Variants in AKAP6 observed in about 807,000 individuals in gnomAD.
AKAP6 encodes A-kinase anchoring protein 6, also known as A-kinase anchor protein 6.
A neutral mutation model predicts 188.5 loss-of-function variants in AKAP6; 58 were observed. That is an observed-to-expected ratio of 0.31 (90% confidence interval 0.25 to 0.38). The LOEUF (loss-of-function observed/expected upper bound fraction) is 0.38. AKAP6 is among the 10% of genes least tolerant of loss of function. AKAP6 has a pLI of 1.00. For synonymous variants in AKAP6, 989 were observed against 998.6 expected, an observed-to-expected ratio of 0.99 and a Z score of 0.18; for missense variants, 2,710 against 2,740.0, an observed-to-expected ratio of 0.99 and a Z score of 0.24.
chr14:32,600,926 T>C (rs765871330), intron 7 of AKAP6, 134 bp downstream of exon 7: 9 of 697,524 alleles, frequency 1.3e-5, no homozygotes, highest in South Asian at 5.4e-5. Flanking sequence ...TCTATATATA[T>C]ATAAACAAAA....
intron 9 of AKAP6, among the ~76,000 whole-genome samples, chr14:32,721,024 T>G (rs1031306527): frequency 3.3e-5 from 5 of 152,210 alleles, no homozygotes; most frequent in Non-Finnish European, 5.9e-5. Context: ...TTGCTGCGCC[T>G]CAAGTCTTTT....
chr14:32,599,000 C>T (rs1455497463), intron 5 of AKAP6, among the ~76,000 whole-genome samples: 1 of 152,110 alleles, frequency 6.6e-6, no homozygotes, highest in Non-Finnish European at 1.5e-5. Context: ...TATATATGTG[C>T]ACATAAGGCT....
At chr14:32,793,606 T>G (rs934365507) in intron 12 of AKAP6, among the ~76,000 whole-genome samples, 1 of 141,196 alleles carries the variant, frequency 7.1e-6, no homozygotes. Flanking sequence ...TGACACTACT[T>G]GAGAGATCAC....
intron 9 of AKAP6, among the ~76,000 whole-genome samples, chr14:32,698,699 T>C (rs1017343001): frequency 6.6e-5 from 10 of 152,154 alleles, no homozygotes; most frequent in African/African-American, 2.2e-4. Flanking sequence ...AAAATACTTA[T>C]ATAACAACAA....
At chr14:32,599,633 C>T (rs1022945802) in intron 6 of AKAP6, 127 bp downstream of exon 6, 16 of 655,290 alleles carry the variant, frequency 2.4e-5, no homozygotes, top group Non-Finnish European at 3.9e-5. Flanking sequence ...ATCAGATTGA[C>T]CTTCAAGATT....
intron 11 of AKAP6, among the ~76,000 whole-genome samples, chr14:32,760,454 T>A (rs746142323): frequency 2.0e-5 from 3 of 152,164 alleles, no homozygotes; most frequent in Non-Finnish European, 2.9e-5. Context: ...GCACAAGTAG[T>A]TATTATCAAA....
At chr14:32,450,965 A>G (rs1566509607) in intron 2 of AKAP6, among the ~76,000 whole-genome samples, 1 of 152,224 alleles carries the variant, frequency 6.6e-6, no homozygotes, top group African/African-American at 2.4e-5. Context: ...TGAAAATAAC[A>G]AAACGAGGAA....
At chr14:32,500,961 C>G (rs746384657) in intron 2 of AKAP6, among the ~76,000 whole-genome samples, 5 of 152,120 alleles carry the variant, frequency 3.3e-5, no homozygotes, top group African/African-American at 1.2e-4. Context: ...CTGAAGTTTC[C>G]CATTGCAAGT....
At chr14:32,792,425 G>GTATTGGTGTATAGGAATGC (rs1409134951) in intron 12 of AKAP6, among the ~76,000 whole-genome samples, 2 of 151,918 alleles carry the variant, frequency 1.3e-5, no homozygotes, top group Non-Finnish European at 2.9e-5. Flanking sequence ...TCTTTGTCTA[G>GTATTGGTGTATAGGAATGC]TATTGGTGTA....
At chr14:32,570,277 C>T (rs113336600) in intron 4 of AKAP6, among the ~76,000 whole-genome samples, 2 of 150,812 alleles carry the variant, frequency 1.3e-5, no homozygotes, top group African/African-American at 4.9e-5. Context: ...ATTATAGGCA[C>T]ATGCCACCAC....
Position 32,773,864 on chromosome 14 carries a change from C to G in AKAP6, c.3559C>G (p.Arg1187Gly). The stretch of plus-strand genomic sequence containing the variant: ...CATGCAAGCCGTCCAGTGGCAAACA[C>G]GTCTACAAAAGAAGATGGGAAAGGA... Reference protein sequence around the residue: ...IVMQAVQWQTRLQKKMGKESE... With the variant: ...IVMQAVQWQTGLQKKMGKESE... Residue 1187 changes from arginine to glycine, a missense_variant, in exon 12 of 14, where the codon CGT becomes GGT. Arg to Gly is a moderately radical substitution (Grantham distance 125). Transcript: ENST00000280979. 6.2e-7 allele frequency: 1 copy of G among 1,613,980 alleles called. No individual in the cohort carries two copies. The highest frequency in any genetic ancestry group is 8.5e-7 in the Non-Finnish European group (1 of 1,179,948).
chr14:32,707,607 A>T lies in AKAP6; in HGVS notation c.3000+11497A>T, dbSNP rs1890862940. Among the ~76,000 whole-genome samples the T allele has an allele frequency of 2.6e-5, 4 of 152,194 alleles. No homozygotes were observed. The South Asian group carries it at 8.3e-4, about 32-fold the overall frequency. On this transcript the variant is annotated intron_variant, in intron 9 of 13. Transcript: ENST00000280979. Reference sequence around the variant, plus strand: ...TTATTTATTGATTATTTATTAATGTATCTCCAGTGCCAAGCACAGTGCCTG... The same window carrying T: ...TTATTTATTGATTATTTATTAATGTTTCTCCAGTGCCAAGCACAGTGCCTG...
intron 8 of AKAP6, among the ~76,000 whole-genome samples, chr14:32,682,199 C>T (rs532007079): frequency 2.0e-5 from 3 of 152,206 alleles, no homozygotes; most frequent in East Asian, 1.9e-4. Flanking sequence ...AGGGCTAGGT[C>T]GGCAGAAGTG....
chr14:32,401,685 C>G (rs537627698), intron 1 of AKAP6, among the ~76,000 whole-genome samples: 1 of 152,284 alleles, frequency 6.6e-6, no homozygotes, highest in East Asian at 1.9e-4. Context: ...TTTCTGGCAA[C>G]CCTAGCTAAT....
chr14:32,716,976 C>T (rs1246128702), intron 9 of AKAP6, among the ~76,000 whole-genome samples: 1 of 151,962 alleles, frequency 6.6e-6, no homozygotes, highest in Non-Finnish European at 1.5e-5. Context: ...TCTTAAAATA[C>T]CTGTGTTAGA....
intron 12 of AKAP6, among the ~76,000 whole-genome samples, chr14:32,775,144 G>GA (rs1555361345): frequency 6.6e-6 from 1 of 152,058 alleles, no homozygotes; most frequent in African/African-American, 2.4e-5. Flanking sequence ...GAAATGACCT[G>GA]TTTTTTTGTA....
chr14:32,621,059 T>G (rs11626571), intron 7 of AKAP6, among the ~76,000 whole-genome samples: 13,786 of 152,040 alleles, frequency 0.091, 877 homozygotes, highest in Middle Eastern at 0.15. Flanking sequence ...ACTTTTGAGC[T>G]TATGGCTTCT....
At chr14:32,477,436 G>A (rs1322984617) in intron 2 of AKAP6, among the ~76,000 whole-genome samples, 1 of 152,116 alleles carries the variant, frequency 6.6e-6, no homozygotes, top group African/African-American at 2.4e-5. Context: ...CTTAAGAGGG[G>A]TCCTGGGTCC....
At chr14:32,585,730 A>G (rs1885205765) in intron 5 of AKAP6, among the ~76,000 whole-genome samples, 2 of 152,136 alleles carry the variant, frequency 1.3e-5, no homozygotes, top group Non-Finnish European at 2.9e-5. Context: ...GAAAAATTTT[A>G]TTGGTTCTTT....
Sources: gnomAD v4.1 joint callset for allele counts (sites outside exome capture counted in the v4.1 genomes callset) on GRCh38, gnomAD v4.1.1 for gene constraint, MANE v1.5 for transcripts, NCBI Gene and HGNC (gene_info 2026-07-23, HGNC 2026-07-21) for gene names.